Variants in PPA2 observed in about 807,000 individuals in gnomAD.
PPA2 encodes inorganic pyrophosphatase 2, also known as inorganic pyrophosphatase 2, mitochondrial.
Under a neutral mutation model 49.5 loss-of-function variants are expected in PPA2, and 48 were observed. The observed-to-expected ratio is 0.97, with a 90% CI of 0.77 to 1.23. PPA2 has a LOEUF of 1.23. Ranked by LOEUF, PPA2 falls within the 50% of genes most tolerant of loss-of-function variation. The probability of loss-of-function intolerance (pLI) is 0.00; values close to 1 mark genes in which losing one functional copy is unlikely to be tolerated. For synonymous variants in PPA2, 131 were observed against 139.9 expected, an observed-to-expected ratio of 0.94 and a Z score of 0.45; for missense variants, 429 against 410.1, an observed-to-expected ratio of 1.05 and a Z score of -0.40.
chr4:105,376,552 T>G (rs1315422355), intron 10 of PPA2, among the ~76,000 whole-genome samples: 1 of 152,078 alleles, frequency 6.6e-6, no homozygotes, highest in Non-Finnish European at 1.5e-5. Context: ...GCAAAAACAG[T>G]CAGACTGAGG....
intron 7 of PPA2, among the ~76,000 whole-genome samples, chr4:105,411,024 A>G (rs1418005018): frequency 6.6e-6 from 1 of 152,236 alleles, no homozygotes; most frequent in Non-Finnish European, 1.5e-5. Flanking sequence ...CAAAATAACC[A>G]GCTAACATTA....
At chr4:105,390,122 A>T (rs1008466133) in intron 9 of PPA2, among the ~76,000 whole-genome samples, 1 of 152,148 alleles carries the variant, frequency 6.6e-6, no homozygotes, top group African/African-American at 2.4e-5. Context: ...AGAAAAGTGA[A>T]ACTGGACCCC....
chr4:105,394,540 T>TA (rs1322830040), intron 9 of PPA2, among the ~76,000 whole-genome samples: 4 of 152,188 alleles, frequency 2.6e-5, no homozygotes, highest in Non-Finnish European at 4.4e-5. Flanking sequence ...TCTTGAGTAT[T>TA]AATTACATAA....
intron 4 of PPA2, chr4:105,448,096 A>C (rs562989772): frequency 4.9e-6 from 2 of 408,960 alleles, no homozygotes; most frequent in South Asian, 3.6e-5. Flanking sequence ...TTTAAAACCT[A>C]TGTATATAGG....
intron 3 of PPA2, among the ~76,000 whole-genome samples, chr4:105,452,269 G>A (rs1217568407): frequency 1.3e-5 from 2 of 152,074 alleles, no homozygotes; most frequent in Non-Finnish European, 2.9e-5. Flanking sequence ...TTGAATGTCT[G>A]GGCTCAGAAT....
At chr4:105,468,726 A>G (rs1353612612) in intron 1 of PPA2, among the ~76,000 whole-genome samples, 1 of 152,192 alleles carries the variant, frequency 6.6e-6, no homozygotes, top group Non-Finnish European at 1.5e-5. Context: ...TGGGGCACCA[A>G]CACCATCAGG....
intron 6 of PPA2, among the ~76,000 whole-genome samples, chr4:105,433,700 C>T (rs1237313099): frequency 2.6e-5 from 4 of 152,184 alleles, no homozygotes; most frequent in Non-Finnish European, 4.4e-5. Flanking sequence ...ACTGTCTGTT[C>T]CTTTCCCATT....
At chr4:105,445,248 T>G (rs1212781343) in intron 5 of PPA2, among the ~76,000 whole-genome samples, 1 of 152,206 alleles carries the variant, frequency 6.6e-6, no homozygotes, top group Non-Finnish European at 1.5e-5. Context: ...ATTACCCTCA[T>G]CCACACATTT....
chr4:105,458,945 T>A (rs1416141100), intron 1 of PPA2, among the ~76,000 whole-genome samples: 1 of 152,022 alleles, frequency 6.6e-6, no homozygotes, highest in Non-Finnish European at 1.5e-5. Context: ...TAGAATTAAG[T>A]TCTGGAGTTT....
intron 1 of PPA2, among the ~76,000 whole-genome samples, chr4:105,466,461 G>T (rs1482858195): frequency 6.6e-6 from 1 of 152,042 alleles, no homozygotes. Context: ...ACAAATTAGG[G>T]AAAGTGAAGA....
At chr4:105,380,521 G>A (rs1733446342) in intron 10 of PPA2, among the ~76,000 whole-genome samples, 1 of 152,018 alleles carries the variant, frequency 6.6e-6, no homozygotes, top group African/African-American at 2.4e-5. Context: ...AACATATTCT[G>A]TATGCAGAGA....
At chr4:105,465,102 C>G (rs970830764) in intron 1 of PPA2, among the ~76,000 whole-genome samples, 17 of 152,142 alleles carry the variant, frequency 1.1e-4, no homozygotes, top group African/African-American at 3.9e-4. Context: ...CCCTGAACCA[C>G]CATCCCACAT....
intron 3 of PPA2, among the ~76,000 whole-genome samples, chr4:105,452,837 G>T (rs1296019203): frequency 6.6e-6 from 1 of 151,928 alleles, no homozygotes; most frequent in Non-Finnish European, 1.5e-5. Flanking sequence ...ACTATTAAAG[G>T]TTTGACAGCC....
intron 7 of PPA2, among the ~76,000 whole-genome samples, chr4:105,421,197 G>A (rs1259383091): frequency 1.3e-5 from 2 of 152,158 alleles, no homozygotes; most frequent in Non-Finnish European, 2.9e-5. Context: ...TGGTAACACA[G>A]TTGATAAATG....
At chr4:105,374,244 T>C (rs1015539001) in intron 10 of PPA2, among the ~76,000 whole-genome samples, 5 of 152,188 alleles carry the variant, frequency 3.3e-5, no homozygotes, top group Non-Finnish European at 5.9e-5. Flanking sequence ...ATGAGTATTG[T>C]TTTATAGTCT....
intron 6 of PPA2, among the ~76,000 whole-genome samples, chr4:105,428,270 G>C (rs769457563): frequency 6.6e-6 from 1 of 152,140 alleles, no homozygotes; most frequent in African/African-American, 2.4e-5. Context: ...GATGATCGAT[G>C]CTATGAAGAA....
chr4:105,409,293 A>C (rs981612022), intron 7 of PPA2, among the ~76,000 whole-genome samples: 1 of 152,192 alleles, frequency 6.6e-6, no homozygotes, highest in African/African-American at 2.4e-5. Context: ...AGCCTTGTTC[A>C]CTGCTAGCGC....
intron 6 of PPA2, among the ~76,000 whole-genome samples, chr4:105,435,890 C>G (rs1724032401): frequency 6.6e-6 from 1 of 151,988 alleles, no homozygotes; most frequent in Admixed American, 6.6e-5. Context: ...CCCCTAAGAA[C>G]CAGAATAAGA....
intron 1 of PPA2, among the ~76,000 whole-genome samples, chr4:105,463,024 G>A (rs187777227): frequency 6.6e-6 from 1 of 152,316 alleles, no homozygotes; most frequent in Non-Finnish European, 1.5e-5. Context: ...AGAGTGCGGT[G>A]CTGCTGAAAA....
Sources: allele counts gnomAD v4.1 joint callset (sites outside exome capture counted in the v4.1 genomes callset), GRCh38; gene constraint gnomAD v4.1.1; transcripts MANE v1.5; gene names NCBI Gene and HGNC (gene_info 2026-07-23, HGNC 2026-07-21).